Variants in ZNF18 observed in about 807,000 individuals in gnomAD.
ZNF18 encodes heart development-specific gene 1 protein.
A neutral mutation model predicts 58.1 loss-of-function variants in ZNF18; 42 were observed. That is an observed-to-expected ratio of 0.72 (90% confidence interval 0.56 to 0.93). The LOEUF (loss-of-function observed/expected upper bound fraction) is 0.93. ZNF18 is among the 40% of genes least tolerant of loss of function. ZNF18 has a pLI of 0.00. For synonymous variants in ZNF18, 231 were observed against 239.8 expected, an observed-to-expected ratio of 0.96 and a Z score of 0.34; for missense variants, 540 against 644.2, an observed-to-expected ratio of 0.84 and a Z score of 1.75.
chr17:11,983,807 T>G (rs1433852306), intron 5 of ZNF18, among the ~76,000 whole-genome samples: 1 of 152,154 alleles, frequency 6.6e-6, no homozygotes, highest in Non-Finnish European at 1.5e-5. Flanking sequence ...GGGTAAGTAT[T>G]TGATCTGACA....
the ZNF18 span, chr17:12,010,792 C>T: frequency 2.7e-6 from 1 of 374,364 alleles, no homozygotes; most frequent in Non-Finnish European, 5.0e-6. Flanking sequence ...CTTCTTCCTA[C>T]TGGTTCTCAC....
the ZNF18 span, among the ~76,000 whole-genome samples, chr17:12,016,104 C>T: frequency 4.6e-5 from 7 of 151,988 alleles, no homozygotes; most frequent in African/African-American, 4.8e-5. Flanking sequence ...TATTTGTTTA[C>T]AGGTTTTTCT....
At chr17:11,997,780 ATTTC>A (rs1049652987), upstream of ZNF18, among the ~76,000 whole-genome samples, 1 of 152,044 alleles carries the variant, frequency 6.6e-6, no homozygotes, top group Non-Finnish European at 1.5e-5. Context: ...TTCAAAGATC[ATTTC>A]TTTGTCTCTC....
chr17:11,984,483 A>G (rs1480560915), intron 4 of ZNF18, among the ~76,000 whole-genome samples: 1 of 151,496 alleles, frequency 6.6e-6, no homozygotes. Context: ...TATAGAGGGC[A>G]GGAGCCTTTT....
At chr17:12,011,688 GTTC>G in the ZNF18 span, among the ~76,000 whole-genome samples, 1 of 113,520 alleles carries the variant, frequency 8.8e-6, no homozygotes, top group African/African-American at 3.3e-5. Context: ...CCAGCCAAAT[GTTC>G]TTAATTTTTT....
At chr17:12,016,876 T>C in the ZNF18 span, among the ~76,000 whole-genome samples, 16 of 152,180 alleles carry the variant, frequency 1.1e-4, no homozygotes, top group African/African-American at 3.4e-4. Flanking sequence ...TAAATCTTTA[T>C]ACATATGCAT....
the ZNF18 span, among the ~76,000 whole-genome samples, chr17:12,009,675 A>G: frequency 6.6e-6 from 1 of 151,556 alleles, no homozygotes; most frequent in African/African-American, 2.4e-5. Flanking sequence ...CTGGTGTCGA[A>G]CCCCTGACCT....
chr17:12,020,865 G>T, the ZNF18 span: 2 of 947,456 alleles, frequency 2.1e-6, no homozygotes, highest in Non-Finnish European at 2.7e-6. Flanking sequence ...CCGCGGCGCC[G>T]CTCGGCTCTT....
At chr17:12,015,909 G>A in the ZNF18 span, among the ~76,000 whole-genome samples, 1 of 151,958 alleles carries the variant, frequency 6.6e-6, no homozygotes, top group African/African-American at 2.4e-5. Flanking sequence ...TTGGTACTCA[G>A]CCTTCTGAGT....
chr17:11,990,377 T>G (rs1968028388), intron 4 of ZNF18, 85 bp downstream of exon 4: 2 of 1,181,538 alleles, frequency 1.7e-6, no homozygotes, highest in Admixed American at 2.2e-5. Context: ...TTCCTCAGGA[T>G]GGAGAATGGG....
At chr17:11,984,322 G>T in intron 4 of ZNF18, 125 bp from the exon 5 acceptor site, 1 of 883,410 alleles carries the variant, frequency 1.1e-6, no homozygotes, top group Non-Finnish European at 1.7e-6. Flanking sequence ...GCCATCGCAA[G>T]ACCTGAGAAA....
the ZNF18 span, among the ~76,000 whole-genome samples, chr17:12,015,679 T>C: frequency 6.6e-6 from 1 of 152,252 alleles, no homozygotes; most frequent in South Asian, 2.1e-4. Flanking sequence ...TCCATCTTTC[T>C]ATCCCTCTCG....
the ZNF18 span, among the ~76,000 whole-genome samples, chr17:12,006,547 A>G: frequency 6.6e-6 from 1 of 152,222 alleles, no homozygotes; most frequent in East Asian, 1.9e-4. Flanking sequence ...GTTTTAGGAT[A>G]GGTGATTCCT....
At chr17:12,021,300 T>G in the ZNF18 span, 2 of 199,754 alleles carry the variant, frequency 1.0e-5, no homozygotes, top group Non-Finnish European at 1.0e-5. Context: ...CCCGCGGCCG[T>G]CCCCATCGCC....
chr17:11,991,068 C>T lies in ZNF18; in HGVS notation c.483G>A (p.Val161=). The T allele has an allele frequency of 6.2e-7, 1 of 1,614,188 alleles. No individual in the cohort carries two copies. The highest frequency in any genetic ancestry group is 8.5e-7 in the Non-Finnish European group (1 of 1,180,016). The change falls in exon 3 of 7, where the codon GTG becomes GTA. Residue 161 remains valine, a synonymous_variant. Transcript: ENST00000580306. The part of the protein sequence containing the change: ...VGEVEPHLEV[V]PQELGLENSS... ...AATTCTCAAGTCCCAACTCCTGAGGCACCACTTCAAGATGGGGCTCCACTT... is the reference window on the plus strand; with the variant it reads ...AATTCTCAAGTCCCAACTCCTGAGGTACCACTTCAAGATGGGGCTCCACTT...
the ZNF18 span, among the ~76,000 whole-genome samples, chr17:12,016,479 G>A: frequency 3.9e-5 from 6 of 152,044 alleles, no homozygotes; most frequent in African/African-American, 9.7e-5. Context: ...ACAGGCATGC[G>A]CCACCATGCT....
chr17:12,003,439 C>CA, the ZNF18 span, among the ~76,000 whole-genome samples: 1,306 of 72,184 alleles, frequency 0.018, 15 homozygotes, highest in African/African-American at 0.043. Context: ...GACTCTGTCT[C>CA]AAAAAAAAAA....
chr17:11,982,013 T>C (rs1046217563), intron 6 of ZNF18, among the ~76,000 whole-genome samples: 1 of 151,966 alleles, frequency 6.6e-6, no homozygotes, highest in Non-Finnish European at 1.5e-5. Flanking sequence ...ATTAGTTTCC[T>C]GTCTCCTCCT....
chr17:11,995,153 A>C (rs1421935605), intron 1 of ZNF18, among the ~76,000 whole-genome samples: 2 of 152,184 alleles, frequency 1.3e-5, no homozygotes, highest in African/African-American at 4.8e-5. Flanking sequence ...TCACGCCTGT[A>C]ATCCTAGCAT....
Sources: gnomAD v4.1 joint callset for allele counts (sites outside exome capture counted in the v4.1 genomes callset) on GRCh38, gnomAD v4.1.1 for gene constraint, MANE v1.5 for transcripts, NCBI Gene and HGNC (gene_info 2026-07-23, HGNC 2026-07-21) for gene names.